Variants in PRDM1 observed in about 807,000 individuals in gnomAD.
PRDM1 encodes PR/SET domain 1.
In PRDM1, 13 loss-of-function variants were observed where a neutral mutation model predicts 62.8. The observed-to-expected ratio is 0.21, with a 90% confidence interval of 0.13 to 0.33. PRDM1 has a LOEUF of 0.33. PRDM1 is among the 10% of genes least tolerant of loss of function. The pLI, the probability that PRDM1 is intolerant of heterozygous loss-of-function variation, is 1.00. For missense variants in PRDM1, 895 were observed against 1,058.8 expected, an observed-to-expected ratio of 0.85 and a Z score of 2.15; for synonymous variants, 396 against 417.6, an observed-to-expected ratio of 0.95 and a Z score of 0.63.
At chr6:106,032,241 G>GC (rs1256631672) in intron 1 of PRDM1, among the ~76,000 whole-genome samples, 1 of 152,066 alleles carries the variant, frequency 6.6e-6, no homozygotes, top group Non-Finnish European at 1.5e-5. Context: ...ACAGTTCACT[G>GC]CAGCCTCTCT....
At position 106,105,758 on chromosome 6, in the gene PRDM1, C is replaced by G. The variant is rs1774462511; in HGVS notation, c.1598C>G (p.Ala533Gly). The change falls in exon 5 of 7, where the codon GCT becomes GGT. Residue 533 changes from alanine (A) to glycine (G), a missense_variant. Physicochemically the swap from Ala to Gly is moderately conservative, Grantham distance 60. This residue lies in a region of PRDM1 where 444 missense variants were observed against 422.7 expected (regional missense o/e 1.05). Coordinates refer to ENST00000369096, the MANE Select transcript of PRDM1 (RefSeq NM_001198.4). ...ATAEHVVQPKATSAAMAAPSS... is the reference protein window; with the variant it reads ...ATAEHVVQPKGTSAAMAAPSS... The stretch of plus-strand genomic sequence containing the variant: ...GCAGAACATGTGGTGCAGCCCAAAG[C>G]TACCTCAGCAGCGATGGCAGCCCCC... The G allele has an allele frequency of 6.2e-7, 1 of 1,614,182 alleles. No homozygotes were observed.
At chr6:106,004,766 C>T (rs1772464732) in intron 1 of PRDM1, among the ~76,000 whole-genome samples, 1 of 152,102 alleles carries the variant, frequency 6.6e-6, no homozygotes, top group Non-Finnish European at 1.5e-5. Context: ...AAGTTATGCC[C>T]ACTTCCATTT....
At chr6:106,099,256 T>TG in intron 3 of PRDM1, 44 bp from the exon 4 acceptor site, 1 of 1,612,130 alleles carries the variant, frequency 6.2e-7, no homozygotes, top group Non-Finnish European at 8.5e-7. Context: ...TGGGGAGCTT[T>TG]GGGTCTGACT....
intron 1 of PRDM1, among the ~76,000 whole-genome samples, chr6:106,058,461 G>A (rs1773296302): frequency 6.6e-6 from 1 of 152,176 alleles, no homozygotes; most frequent in Non-Finnish European, 1.5e-5. Flanking sequence ...TAGGAGTTCA[G>A]CATGTGAATT....
intron 4 of PRDM1, among the ~76,000 whole-genome samples, chr6:106,101,198 C>G (rs1432390844): frequency 1.3e-5 from 2 of 152,150 alleles, no homozygotes; most frequent in African/African-American, 4.8e-5. Context: ...TGAGTTTAAT[C>G]ATTCATGGAT....
intron 1 of PRDM1, among the ~76,000 whole-genome samples, chr6:106,007,083 C>T (rs1167014743): frequency 3.3e-5 from 5 of 151,814 alleles, no homozygotes; most frequent in Non-Finnish European, 1.5e-5. Context: ...TCTCATTTTT[C>T]TTAGTTTGCT....
At chr6:106,012,118 C>T (rs571984579) in intron 1 of PRDM1, among the ~76,000 whole-genome samples, 164 of 135,942 alleles carry the variant, frequency 1.2e-3, no homozygotes, top group African/African-American at 4.3e-3. Flanking sequence ...CACATTCATA[C>T]ACACACACAC....
chr6:106,104,205 G>GTTTTTTTTTTTTTTTTTTTTTT (rs11317538), intron 4 of PRDM1, among the ~76,000 whole-genome samples: 8 of 141,846 alleles, frequency 5.6e-5, no homozygotes, highest in Non-Finnish European at 9.2e-5. Context: ...TAAAATGGAA[G>GTTTTTTTTTTTTTTTTTTTTTT]TTTTTTTTTT....
chr6:106,012,121 A>G (rs1228490817), intron 1 of PRDM1, among the ~76,000 whole-genome samples: 1 of 130,430 alleles, frequency 7.7e-6, no homozygotes, highest in African/African-American at 3.0e-5. Context: ...ATTCATACAC[A>G]CACACACAAA....
chr6:106,011,624 C>A (rs534738140), intron 1 of PRDM1, among the ~76,000 whole-genome samples: 3 of 152,182 alleles, frequency 2.0e-5, no homozygotes, highest in African/African-American at 7.2e-5. Context: ...TCTCACCCCC[C>A]GCCCCCTGCA....
Position 106,051,057 on chromosome 6 carries a change from A to AAT in PRDM1, c.-67+2344_-67+2345dup, listed in dbSNP as rs1554201300. 5.6e-4 allele frequency among the ~76,000 whole-genome samples: 86 copies of AAT among 152,306 alleles called. 1 individual carries two copies. Among genetic ancestry groups the AAT allele is most frequent in the African/African-American group, 2.0e-3 (82 of 41,564 alleles). On this transcript the variant is annotated intron_variant, in intron 1 of 6. Transcript: ENST00000651185. ...GTGTTGTATCCATTAAAATAAAAAA[A>AAT]ATTACTAGAAAAGTCAGGTTTCACC... is the stretch of plus-strand genomic sequence containing the variant.
chr6:106,043,214 C>T (rs1773028480), intron 1 of PRDM1, among the ~76,000 whole-genome samples: 1 of 152,122 alleles, frequency 6.6e-6, no homozygotes. Flanking sequence ...CTCTGAACAC[C>T]CAGTTTCCCT....
In PRDM1 at chr6:106,107,827, T is replaced by G. The variant is rs1224911133; in HGVS notation, c.*341T>G. ...TAAGACTATTACCTAGTCATAATTATTTTTTCAATGATAATCCTTCATAAT... is the reference window on the plus strand; with the variant it reads ...TAAGACTATTACCTAGTCATAATTAGTTTTTCAATGATAATCCTTCATAAT... On this transcript the variant is annotated 3_prime_UTR_variant, in exon 7 of 7. Coordinates refer to ENST00000369096, the MANE Select transcript of PRDM1 (RefSeq NM_001198.4). 4.3e-6 allele frequency: 1 copy of G among 231,992 alleles called. No homozygotes were observed. Among genetic ancestry groups the G allele is most frequent in the Non-Finnish European group, 8.5e-6 (1 of 117,262 alleles). 14.4% of individuals were successfully genotyped at this position (231,992 alleles called of 1,614,324 possible). A position where few individuals can be genotyped will look rare whatever the true frequency, so the allele number is the denominator to read the frequency against.
chr6:106,038,014 C>CTTTTTTTTTTTTTTTTTTTT lies in PRDM1; in HGVS notation c.-67+44376_-67+44395dup, dbSNP rs1227783243. Among the ~76,000 whole-genome samples, 256 of 47,794 alleles carry CTTTTTTTTTTTTTTTTTTTT rather than the reference C, an allele frequency of 5.4e-3. 81 individuals carry two copies. Among genetic ancestry groups the CTTTTTTTTTTTTTTTTTTTT allele is most frequent in the African/African-American group, 0.011 (126 of 11,662 alleles). 31.4% of individuals were successfully genotyped at this position (47,794 alleles called of 152,430 possible). ...CTTTCCTATGGTTTGCTATTTTTGTCTTTTTTTTTTTTTTTTTTTTGAGAC... is the reference window on the plus strand; with the variant it reads ...CTTTCCTATGGTTTGCTATTTTTGTCTTTTTTTTTTTTTTTTTTTTTTTTTTTTTTTTTTTTTTTTGAGAC... On this transcript the variant is annotated intron_variant, in intron 1 of 6. Coordinates refer to the PRDM1 transcript ENST00000652320.
chr6:106,029,296 T>TATGTATGGTG (rs1772808164), intron 1 of PRDM1, among the ~76,000 whole-genome samples: 1 of 152,240 alleles, frequency 6.6e-6, no homozygotes. Context: ...AGTTAATTTA[T>TATGTATGGTG]ATGTATGGTG....
At chr6:106,001,795 A>G (rs1472554261) in intron 1 of PRDM1, among the ~76,000 whole-genome samples, 1 of 152,110 alleles carries the variant, frequency 6.6e-6, no homozygotes, top group Non-Finnish European at 1.5e-5. Context: ...TGTCTTGGTT[A>G]TTCTTGGTGT....
At chr6:106,003,363 G>C (rs1316099366) in intron 1 of PRDM1, among the ~76,000 whole-genome samples, 1 of 152,156 alleles carries the variant, frequency 6.6e-6, no homozygotes, top group Non-Finnish European at 1.5e-5. Flanking sequence ...CCTCAGGGTG[G>C]GAAAGGAAGG....
At position 106,108,724 on chromosome 6, in the gene PRDM1, T is replaced by C. The variant is rs1173658048; in HGVS notation, c.*1238T>C. ...ATCAATTGTATTTTTTCTGTAAAACTCAGATTTTCCTCAGTATTTGTGTTT... is the reference window on the plus strand; with the variant it reads ...ATCAATTGTATTTTTTCTGTAAAACCCAGATTTTCCTCAGTATTTGTGTTT... On this transcript the variant is annotated 3_prime_UTR_variant, in exon 7 of 7. Transcript: ENST00000369096. 4.3e-6 allele frequency: 1 copy of C among 233,306 alleles called. No individual in the cohort carries two copies. The highest frequency in any genetic ancestry group is 8.5e-6 in the Non-Finnish European group (1 of 117,940). The allele number at this position is 233,306 out of a possible 1,614,324, so 14.5% of individuals were successfully genotyped here. A position where few individuals can be genotyped will look rare whatever the true frequency, so the allele number is the denominator to read the frequency against.
chr6:106,092,130 GA>G (rs771530930), intron 2 of PRDM1, among the ~76,000 whole-genome samples: 47 of 61,354 alleles, frequency 7.7e-4, no homozygotes, highest in East Asian at 3.0e-3. Context: ...GAAGGAATTT[GA>G]AAAAAAAAAA....
Sources: allele counts gnomAD v4.1 joint callset (sites outside exome capture counted in the v4.1 genomes callset), GRCh38; gene constraint gnomAD v4.1.1; regional missense constraint gnomAD v4.1.1; transcripts MANE v1.5; gene names NCBI Gene and HGNC (gene_info 2026-07-23, HGNC 2026-07-21).